Variants in RNF182 observed in about 807,000 individuals in gnomAD.
RNF182 encodes ring finger protein 182.
Under a neutral mutation model 14.4 loss-of-function variants are expected in RNF182, and 15 were observed. That is an observed-to-expected ratio of 1.04 (90% CI 0.70 to 1.60). The LOEUF (loss-of-function observed/expected upper bound fraction) is 1.60, where lower values mean the gene tolerates loss of function less well. Ranked by LOEUF, RNF182 falls within the 40% of genes most tolerant of loss-of-function variation. RNF182 has a pLI of 0.00. For missense variants in RNF182, 268 were observed against 294.8 expected (o/e 0.91, Z 0.67); for synonymous variants, 128 against 122.9 (o/e 1.04, Z -0.27).
At chr6:13,946,357 G>T (rs1457799563) in intron 1 of RNF182, among the ~76,000 whole-genome samples, 1 of 151,844 alleles carries the variant, frequency 6.6e-6, no homozygotes, top group Non-Finnish European at 1.5e-5. Context: ...TAGAAATGGG[G>T]TTTTACCATG....
chr6:13,956,369 G>C (rs936573775), intron 1 of RNF182, among the ~76,000 whole-genome samples: 3 of 150,796 alleles, frequency 2.0e-5, no homozygotes, highest in Admixed American at 1.3e-4. Context: ...CCATCATCCA[G>C]GCTGGAGTGC....
intron 1 of RNF182, among the ~76,000 whole-genome samples, chr6:13,943,870 A>G (rs779444894): frequency 8.5e-5 from 13 of 152,232 alleles, no homozygotes; most frequent in Non-Finnish European, 1.9e-4. Flanking sequence ...ACTAAAAGAC[A>G]TTAAGGGTGA....
chr6:13,970,494 G>A (rs1206221421), intron 1 of RNF182, among the ~76,000 whole-genome samples: 1 of 152,114 alleles, frequency 6.6e-6, no homozygotes, highest in African/African-American at 2.4e-5. Flanking sequence ...TCTGTTGATG[G>A]GCACATAGCT....
intron 1 of RNF182, among the ~76,000 whole-genome samples, chr6:13,966,852 G>T (rs949326537): frequency 6.7e-6 from 1 of 148,972 alleles, no homozygotes; most frequent in African/African-American, 2.5e-5. Flanking sequence ...GTGTGTGTGT[G>T]TTTTCAAACA....
At chr6:13,928,638 TTTATAGA>T (rs1324182757) in intron 1 of RNF182, among the ~76,000 whole-genome samples, 2 of 152,222 alleles carry the variant, frequency 1.3e-5, no homozygotes, top group African/African-American at 4.8e-5. Context: ...ATTTTGAGTA[TTTATAGA>T]CATGGTTTGT....
chr6:13,949,281 C>T (rs1759522077), intron 1 of RNF182: 1 of 779,948 alleles, frequency 1.3e-6, no homozygotes, highest in African/African-American at 1.7e-5. Flanking sequence ...AGACTTACCA[C>T]ATCTGTCAGA....
At position 13,980,032 on chromosome 6, in the gene RNF182, T is replaced by C. The variant is rs1221152425; in HGVS notation, c.*2169T>C. On this transcript the variant is annotated 3_prime_UTR_variant, in exon 3 of 3. Coordinates refer to ENST00000488300, the MANE Select transcript of RNF182 (RefSeq NM_152737.4). ...TTAGAAGTTTGATTTCTCTGACTTA[T>C]GGTTAAAATTCAGTTATGACTTTGC... The C allele has an allele frequency of 1.2e-5, 2 of 161,076 alleles. No individual in the cohort carries two copies. The highest frequency in any genetic ancestry group is 2.9e-5 in the Non-Finnish European group (2 of 68,068). 10.0% of individuals were successfully genotyped at this position (161,076 alleles called of 1,614,324 possible).
At chr6:13,926,857 A>G (rs941888689) in intron 1 of RNF182, among the ~76,000 whole-genome samples, 2 of 151,674 alleles carry the variant, frequency 1.3e-5, no homozygotes, top group Non-Finnish European at 2.9e-5. Context: ...CAAAACCAGT[A>G]TTCAAGTTCA....
chr6:13,940,988 A>G (rs568105131), intron 1 of RNF182, among the ~76,000 whole-genome samples: 2 of 152,044 alleles, frequency 1.3e-5, no homozygotes, highest in East Asian at 3.9e-4. Flanking sequence ...GGATATGATC[A>G]TTTTTGCTGA....
chr6:13,949,092 A>G, intron 1 of RNF182: 4 of 736,676 alleles, frequency 5.4e-6, no homozygotes, highest in Non-Finnish European at 1.0e-5. Flanking sequence ...TGTTGATGGC[A>G]AGATGGCTGC....
At chr6:13,938,775 G>A (rs1759207966) in intron 1 of RNF182, among the ~76,000 whole-genome samples, 1 of 152,062 alleles carries the variant, frequency 6.6e-6, no homozygotes, top group Admixed American at 6.6e-5. Flanking sequence ...ATCTCTGTCT[G>A]GATTCTGTAT....
At chr6:13,964,752 A>T (rs1759974647) in intron 1 of RNF182, among the ~76,000 whole-genome samples, 1 of 152,164 alleles carries the variant, frequency 6.6e-6, no homozygotes, top group South Asian at 2.1e-4. Context: ...CTTGACCTAC[A>T]GAGGGTGGGG....
chr6:13,976,803 T>G (rs970190771), intron 2 of RNF182, 106 bp from the exon 3 acceptor site: 1 of 300,546 alleles, frequency 3.3e-6, no homozygotes, highest in African/African-American at 2.1e-5. Context: ...CCTTTTAAGT[T>G]TATTGCTTCT....
chr6:13,938,145 G>A (rs374478978), intron 1 of RNF182, among the ~76,000 whole-genome samples: 2 of 146,564 alleles, frequency 1.4e-5, no homozygotes, highest in South Asian at 2.2e-4. Context: ...GACTACAGGC[G>A]CCCGCCACCA....
intron 1 of RNF182, among the ~76,000 whole-genome samples, chr6:13,925,863 C>G (rs1417622967): frequency 1.3e-5 from 2 of 152,166 alleles, no homozygotes; most frequent in African/African-American, 4.8e-5. Context: ...CACTGGGGCA[C>G]TGGATAGGTT....
chr6:13,928,146 T>C (rs1269351952), intron 1 of RNF182, among the ~76,000 whole-genome samples: 1 of 152,222 alleles, frequency 6.6e-6, no homozygotes, highest in Non-Finnish European at 1.5e-5. Flanking sequence ...GGAGATAAGA[T>C]GTCTTAAGCT....
intron 1 of RNF182, among the ~76,000 whole-genome samples, chr6:13,933,845 C>G (rs1759037596): frequency 6.6e-6 from 1 of 152,004 alleles, no homozygotes; most frequent in South Asian, 2.1e-4. Flanking sequence ...TGGTGAAACC[C>G]CGTCTCCACT....
chr6:13,977,400 G>T lies in RNF182; in HGVS notation c.281G>T (p.Gly94Val), dbSNP rs2113654279. ...DNNILVNLTC[G>V]GKGKKCLPEN... ...AACATCCTTGTAAACTTGACTTGTG[G>T]AGGCAAAGGGAAGAAGTGCCTGCCA... Residue 94 changes from glycine to valine, a missense_variant, in exon 3 of 3, where the codon GGA becomes GTA. Gly to Val is a moderately radical substitution (Grantham distance 109). Transcript: ENST00000488300. The T allele has an allele frequency of 6.2e-7, 1 of 1,614,102 alleles. No homozygotes were observed. Among genetic ancestry groups the T allele is most frequent in the Non-Finnish European group, 8.5e-7 (1 of 1,180,020 alleles).
At chr6:13,935,601 C>G (rs1157523792) in intron 1 of RNF182, among the ~76,000 whole-genome samples, 3 of 152,126 alleles carry the variant, frequency 2.0e-5, no homozygotes, top group Non-Finnish European at 4.4e-5. Flanking sequence ...CACAGGAAGT[C>G]AGAACATTTG....
Sources: gnomAD v4.1 joint callset for allele counts (sites outside exome capture counted in the v4.1 genomes callset) on GRCh38, gnomAD v4.1.1 for gene constraint, MANE v1.5 for transcripts, NCBI Gene and HGNC (gene_info 2026-07-23, HGNC 2026-07-21) for gene names.